CD86: variants seen among roughly 807,000 people sequenced by gnomAD.
The protein encoded by CD86 is CD86 molecule, also known as T-lymphocyte activation antigen CD86.
In CD86, 11 loss-of-function variants were observed where a neutral mutation model predicts 32.1. The ratio of observed to expected loss-of-function variants is 0.34; its 90% CI spans 0.22 to 0.57. The LOEUF (loss-of-function observed/expected upper bound fraction) is 0.57. Ranked by LOEUF, CD86 falls within the 20% of genes least tolerant of loss-of-function variation. CD86 has a pLI of 0.86. For missense variants in CD86, 359 were observed against 398.4 expected (o/e 0.90, Z 0.84); for synonymous variants, 137 against 135.3 (o/e 1.01, Z -0.09).
chr3:122,080,188 T>C (rs1215062784), intron 1 of CD86, among the ~76,000 whole-genome samples: 2 of 152,176 alleles, frequency 1.3e-5, no homozygotes, highest in African/African-American at 4.8e-5. Context: ...TCCCTTTTAG[T>C]GAGTTCTATG....
Position 122,055,412 on chromosome 3 carries a change from G to T in CD86, c.-78G>T. The T allele has an allele frequency of 7.1e-7, 1 of 1,411,682 alleles. No individual in the cohort carries two copies. The highest frequency in any genetic ancestry group is 1.7e-5 in the Admixed American group (1 of 59,572). The allele number at this position is 1,411,682 out of a possible 1,614,324, so 87.4% of individuals were successfully genotyped here. On this transcript the variant is annotated 5_prime_UTR_variant, in exon 1 of 7. Transcript: ENST00000330540. ...AGGGTGAAAGCTTTGCTTCTCTGCT[G>T]CTGTAACAGGGACTAGCACAGACAC...
At chr3:122,082,217 T>C (rs190530547) in intron 1 of CD86, among the ~76,000 whole-genome samples, 76 of 152,334 alleles carry the variant, frequency 5.0e-4, no homozygotes, top group African/African-American at 1.5e-3. Flanking sequence ...TCATTGCTTG[T>C]AGCTCTCTAT....
At chr3:122,119,288 C>G (rs1332792946) in intron 6 of CD86, 150 bp from the exon 7 acceptor site, 3 of 650,984 alleles carry the variant, frequency 4.6e-6, no homozygotes, top group African/African-American at 1.9e-5. Flanking sequence ...TGGTTCTTTT[C>G]TCTTGCTTTC....
intron 1 of CD86, among the ~76,000 whole-genome samples, chr3:122,069,101 T>C (rs990197570): frequency 3.3e-5 from 5 of 152,150 alleles, no homozygotes; most frequent in Admixed American, 2.6e-4. Context: ...TGTATAATGT[T>C]GAACATCTTT....
rs1179196180 is a variant in CD86 at position 122,109,297 on chromosome 3, A to G, written c.736A>G (p.Ile246Val). ...GGACCCTCAGCCTCCCCCAGACCACATTCCTTGGATTACAGCTGTACTTCC... is the reference window on the plus strand; with the variant it reads ...GGACCCTCAGCCTCCCCCAGACCACGTTCCTTGGATTACAGCTGTACTTCC... Reference protein sequence around the residue: ...LEDPQPPPDHIPWITAVLPTV... With the variant: ...LEDPQPPPDHVPWITAVLPTV... The change falls in exon 5 of 7, where the codon ATT becomes GTT. Residue 246 changes from isoleucine (I) to valine (V), a missense_variant. Coordinates refer to ENST00000330540, the MANE Select transcript of CD86 (RefSeq NM_175862.5). The G allele has an allele frequency of 6.2e-7, 1 of 1,614,092 alleles. No individual in the cohort carries two copies. The highest frequency in any genetic ancestry group is 8.5e-7 in the Non-Finnish European group (1 of 1,179,954).
At chr3:122,081,990 T>G (rs1194226882) in intron 1 of CD86, among the ~76,000 whole-genome samples, 5 of 152,194 alleles carry the variant, frequency 3.3e-5, no homozygotes, top group African/African-American at 1.2e-4. Flanking sequence ...AGGAACTGAC[T>G]CAGGGTGAGA....
chr3:122,115,861 C>G (rs991521899), intron 5 of CD86, among the ~76,000 whole-genome samples: 3 of 150,428 alleles, frequency 2.0e-5, no homozygotes, highest in Non-Finnish European at 4.4e-5. Context: ...ACATATCAGT[C>G]AATGGAACAA....
chr3:122,094,056 A>G (rs1024561018), intron 2 of CD86, among the ~76,000 whole-genome samples: 7 of 152,234 alleles, frequency 4.6e-5, no homozygotes, highest in South Asian at 2.1e-4. Context: ...CCTCCTCCCC[A>G]TCACCTGCAG....
intron 1 of CD86, among the ~76,000 whole-genome samples, chr3:122,075,489 T>C (rs2072543403): frequency 6.6e-6 from 1 of 152,152 alleles, no homozygotes; most frequent in African/African-American, 2.4e-5. Context: ...TGGCAGTAGT[T>C]TGGGGATTAT....
chr3:122,074,379 T>A (rs1324091505), intron 1 of CD86, among the ~76,000 whole-genome samples: 1 of 152,216 alleles, frequency 6.6e-6, no homozygotes, highest in Non-Finnish European at 1.5e-5. Context: ...AAAGTCTGGA[T>A]GAACCTTTGA....
In CD86 at chr3:122,109,415, G is replaced by A. The variant is rs1317810755; in HGVS notation, c.847+7G>A. ...CGCAACTCTTATAAATGTGGTGAGT[G>A]AGTCCTTGTCCTCCCCACAGACTGT... On this transcript the variant is annotated splice_region_variant and intron_variant, in intron 5 of 6. Coordinates refer to ENST00000330540, the MANE Select transcript of CD86 (RefSeq NM_175862.5). 1 of 1,613,820 alleles carries A rather than the reference G, an allele frequency of 6.2e-7. No homozygotes were observed. Among genetic ancestry groups the A allele is most frequent in the Non-Finnish European group, 8.5e-7 (1 of 1,179,858 alleles).
intron 1 of CD86, among the ~76,000 whole-genome samples, chr3:122,063,219 AATC>A (rs1476963193): frequency 2.6e-4 from 39 of 152,308 alleles, no homozygotes; most frequent in Admixed American, 1.6e-3. Context: ...GCTCATTAGT[AATC>A]ATGAACTGTA....
Position 122,118,057 on chromosome 3 carries a change from C to T in CD86, c.857C>T (p.Thr286Ile). The T allele has an allele frequency of 1.9e-6, 3 of 1,613,250 alleles. No homozygotes were observed. The highest frequency in any genetic ancestry group is 2.5e-6 in the Non-Finnish European group (3 of 1,179,378). Residue 286 changes from threonine (T) to isoleucine (I), a missense_variant, in exon 6 of 7, where the codon ACA (threonine) becomes ATA (isoleucine). By Grantham distance (89) the Thr-to-Ile change is moderately conservative (BLOSUM62 -1). Transcript: ENST00000330540. ...PRNSYKCGTN[T>I]MEREESEQTK... ...TCTTGGTGTCTTTCAGGAACCAACA[C>T]AATGGAGAGGGAAGAGAGTGAACAG...
intron 1 of CD86, among the ~76,000 whole-genome samples, chr3:122,059,674 T>A (rs1019855529): frequency 6.6e-6 from 1 of 152,228 alleles, no homozygotes; most frequent in African/African-American, 2.4e-5. Flanking sequence ...CTGTAGTGAC[T>A]ACATGTTAAG....
At chr3:122,095,217 G>A (rs558299860) in intron 2 of CD86, among the ~76,000 whole-genome samples, 1 of 148,934 alleles carries the variant, frequency 6.7e-6, no homozygotes, top group South Asian at 2.1e-4. Flanking sequence ...TGTTGCCCAG[G>A]CTAAAGTGCA....
At chr3:122,079,962 G>A (rs1307341559) in intron 1 of CD86, among the ~76,000 whole-genome samples, 7 of 152,210 alleles carry the variant, frequency 4.6e-5, no homozygotes, top group Non-Finnish European at 4.4e-5. Flanking sequence ...CTTCCAGCTA[G>A]CATTTGCATT....
chr3:122,079,234 T>C (rs1027736925), intron 1 of CD86, among the ~76,000 whole-genome samples: 2 of 152,228 alleles, frequency 1.3e-5, no homozygotes, highest in African/African-American at 4.8e-5. Flanking sequence ...TTGCATTTGA[T>C]ATTTTGGTTA....
At chr3:122,078,087 A>G (rs1260945326) in intron 1 of CD86, 2 of 981,810 alleles carry the variant, frequency 2.0e-6, no homozygotes, top group East Asian at 1.1e-4. Flanking sequence ...GTGGCATGAG[A>G]TAAAGCTGCA....
rs201456834 is a variant in CD86 at position 122,091,658 on chromosome 3, C to T, written c.64+8C>T. 2 of 1,610,534 alleles carry T rather than the reference C, an allele frequency of 1.2e-6. No homozygotes were observed. The highest frequency in any genetic ancestry group is 1.7e-6 in the Non-Finnish European group (2 of 1,176,808). On this transcript the variant is annotated splice_region_variant and intron_variant, in intron 2 of 6. Transcript: ENST00000330540. ...TGGCCTTCCTGCTCTCTGGTAAGAA[C>T]CTTTCAGCTTTGTTAAGTCCTGGAA...
Sources: gnomAD v4.1 joint callset for allele counts (sites outside exome capture counted in the v4.1 genomes callset) on GRCh38, gnomAD v4.1.1 for gene constraint, MANE v1.5 for transcripts, NCBI Gene and HGNC (gene_info 2026-07-23, HGNC 2026-07-21) for gene names.